The following PPP4R3B variants were observed in gnomAD, a reference collection of about 807,000 sequenced individuals.
PPP4R3B encodes protein phosphatase 4 regulatory subunit 3B, also known as serine/threonine-protein phosphatase 4 regulatory subunit 3B.
PPP4R3B carries 52 observed loss-of-function variants against 95.4 expected under a neutral mutation model. The observed-to-expected ratio is 0.54, with a 90% CI of 0.44 to 0.69. PPP4R3B has a LOEUF of 0.69. Ranked by LOEUF, PPP4R3B falls within the 30% of genes least tolerant of loss-of-function variation. PPP4R3B has a pLI of 0.00. For synonymous variants in PPP4R3B, 407 were observed against 343.9 expected (o/e 1.18, Z -2.03); for missense variants, 1,003 against 1,005.9 (o/e 1.00, Z 0.04).
intron 8 of PPP4R3B, 66 bp from the exon 9 acceptor site, chr2:55,579,847 A>G (rs938645431): frequency 1.0e-6 from 1 of 956,744 alleles, no homozygotes; most frequent in East Asian, 2.6e-5. Flanking sequence ...CAAGATTAGC[A>G]GTACATACCT....
intron 8 of PPP4R3B, among the ~76,000 whole-genome samples, 180 bp downstream of exon 8, chr2:55,581,387 A>G (rs1034028236): frequency 1.3e-5 from 2 of 152,274 alleles, no homozygotes; most frequent in African/African-American, 4.8e-5. Flanking sequence ...CTAACATTTT[A>G]CTAAGATTTT....
intron 4 of PPP4R3B, chr2:55,591,495 A>T: frequency 2.0e-6 from 2 of 978,292 alleles, no homozygotes; most frequent in South Asian, 4.7e-5. Flanking sequence ...GTGAGTAAGT[A>T]CATATTTACC....
rs781082344 is a variant in PPP4R3B, at chr2:55,568,320, T to G, written c.1809A>C (p.Glu603Asp). The G allele has an allele frequency of 3.1e-6, 5 of 1,607,722 alleles. No individual in the cohort carries two copies. The East Asian group carries it at 9.0e-5, about 29-fold the overall frequency. Residue 603 changes from glutamate to aspartate, a missense_variant, in exon 13 of 17, where the codon GAA (glutamate) becomes GAC (aspartate). Physicochemically the swap from Glu to Asp is conservative, Grantham distance 45. Coordinates refer to ENST00000616407, the MANE Select transcript of PPP4R3B (RefSeq NM_001122964.3). Reference sequence around the variant, plus strand: ...CCTTGGTGATGTAACGATTATAAAATTCATCTTTAAGTCCAATTATCCGCC... The same window carrying G: ...CCTTGGTGATGTAACGATTATAAAAGTCATCTTTAAGTCCAATTATCCGCC... ...FMRRIIGLKD[E>D]FYNRYITKGN...
intron 5 of PPP4R3B, among the ~76,000 whole-genome samples, chr2:55,587,517 G>A (rs1228641168): frequency 6.6e-6 from 1 of 152,208 alleles, no homozygotes; most frequent in Non-Finnish European, 1.5e-5. Flanking sequence ...CCAGGAGGCG[G>A]AGGTTGCAGT....
chr2:55,611,948 T>C (rs1448800809), intron 2 of PPP4R3B, among the ~76,000 whole-genome samples: 1 of 152,100 alleles, frequency 6.6e-6, no homozygotes, highest in Non-Finnish European at 1.5e-5. Context: ...GTGCAGGCTG[T>C]TCCCGAAATC....
chr2:55,604,782 A>C (rs1213891340), intron 2 of PPP4R3B, among the ~76,000 whole-genome samples: 8 of 146,100 alleles, frequency 5.5e-5, no homozygotes, highest in Non-Finnish European at 1.0e-4. Flanking sequence ...GTTTGGATTT[A>C]AAATAAAACA....
rs1032463001 is a variant in PPP4R3B, at chr2:55,548,113, A to G, written c.*1798T>C. ...AAGGTCTTTCTTTCTTACTATATGT[A>G]CACCTTTAATTGAAAAGGTGAGAAA... On this transcript the variant is annotated 3_prime_UTR_variant, in exon 17 of 17. Transcript: ENST00000616407. The G allele has an allele frequency of 6.6e-6, 1 of 152,164 alleles. No homozygotes were observed. Among genetic ancestry groups the G allele is most frequent in the African/African-American group, 2.4e-5 (1 of 41,426 alleles). 9.4% of individuals were successfully genotyped at this position (152,164 alleles called of 1,614,324 possible).
intron 3 of PPP4R3B, among the ~76,000 whole-genome samples, chr2:55,603,426 AAG>A (rs1245594930): frequency 6.6e-6 from 1 of 152,226 alleles, no homozygotes; most frequent in Non-Finnish European, 1.5e-5. Context: ...AGTTCTAAAT[AAG>A]AGGAGATGTT....
chr2:55,575,797 A>T (rs1391317365), intron 11 of PPP4R3B, among the ~76,000 whole-genome samples: 1 of 152,224 alleles, frequency 6.6e-6, no homozygotes, highest in African/African-American at 2.4e-5. Flanking sequence ...GGAATTTTTA[A>T]AAAAATGACA....
intron 2 of PPP4R3B, 45 bp downstream of exon 2, chr2:55,615,406 G>C (rs770582344): frequency 9.6e-6 from 13 of 1,351,682 alleles, no homozygotes; most frequent in Non-Finnish European, 1.3e-5. Context: ...ATACTTCCTT[G>C]ATCACAGATG....
chr2:55,584,736 C>T (rs970002234), intron 7 of PPP4R3B, among the ~76,000 whole-genome samples: 3 of 152,128 alleles, frequency 2.0e-5, no homozygotes, highest in South Asian at 2.1e-4. Context: ...TAGGTAAGTA[C>T]CTGACCTGTA....
intron 2 of PPP4R3B, among the ~76,000 whole-genome samples, chr2:55,609,237 T>C (rs1378848384): frequency 2.0e-5 from 3 of 152,198 alleles, no homozygotes; most frequent in Non-Finnish European, 2.9e-5. Flanking sequence ...TCACGAACTA[T>C]AGCCTCAAAC....
intron 14 of PPP4R3B, 97 bp from the exon 15 acceptor site, chr2:55,564,594 A>C (rs1558956608): frequency 9.6e-7 from 1 of 1,045,152 alleles, no homozygotes; most frequent in Non-Finnish European, 1.3e-6. Flanking sequence ...GAACTGAAGT[A>C]ATTTTAACTG....
intron 11 of PPP4R3B, among the ~76,000 whole-genome samples, chr2:55,576,492 C>T (rs187087778): frequency 5.5e-4 from 83 of 151,986 alleles, no homozygotes; most frequent in African/African-American, 1.9e-3. Flanking sequence ...CCTGTAATCC[C>T]AGCACTTTGG....
At chr2:55,554,429 CTTT>C (rs1218555320) in intron 16 of PPP4R3B, among the ~76,000 whole-genome samples, 1 of 152,160 alleles carries the variant, frequency 6.6e-6, no homozygotes, top group Non-Finnish European at 1.5e-5. Context: ...TTTTGTGCAT[CTTT>C]TTTATTATAG....
chr2:55,557,289 C>T (rs1336117858), intron 16 of PPP4R3B, among the ~76,000 whole-genome samples: 1 of 152,158 alleles, frequency 6.6e-6, no homozygotes. Flanking sequence ...ACCTCTCAGG[C>T]TCAAACCATT....
Position 55,604,098 on chromosome 2 carries a change from C to T in PPP4R3B, c.199-22G>A, listed in dbSNP as rs373294656. 7.0e-5 allele frequency: 108 copies of T among 1,546,574 alleles called. No individual in the cohort carries two copies. In the African/African-American group the frequency reaches 9.5e-4, roughly 14 times the overall value. ...TATCCTGTTTAAAAATAAATATTTC[C>T]ATATCATCACACTAGAAAAGAGGTA... On this transcript the variant is annotated intron_variant, in intron 2 of 16. Transcript: ENST00000616407.
intron 10 of PPP4R3B, 83 bp from the exon 11 acceptor site, chr2:55,577,439 A>G: frequency 1.6e-6 from 2 of 1,222,622 alleles, no homozygotes; most frequent in Non-Finnish European, 2.1e-6. Context: ...TATACAATGC[A>G]TGTCTTCAAT....
At chr2:55,598,290 T>C in intron 4 of PPP4R3B, 126 bp downstream of exon 4, 1 of 951,908 alleles carries the variant, frequency 1.1e-6, no homozygotes, top group Non-Finnish European at 1.5e-6. Flanking sequence ...TTACTTTAAA[T>C]GTACTTAATA....
Sources: gnomAD v4.1 joint callset for allele counts (sites outside exome capture counted in the v4.1 genomes callset) on GRCh38, gnomAD v4.1.1 for gene constraint, MANE v1.5 for transcripts, NCBI Gene and HGNC (gene_info 2026-07-23, HGNC 2026-07-21) for gene names.